The following CSMD3 variants were observed in gnomAD, a reference collection of about 807,000 sequenced individuals.
CSMD3 encodes the protein CUB and Sushi multiple domains 3, also known as CUB and sushi domain-containing protein 3.
Under a neutral mutation model 435.2 loss-of-function variants are expected in CSMD3, and 177 were observed. The observed-to-expected ratio is 0.41, with a 90% confidence interval of 0.36 to 0.46. The LOEUF (loss-of-function observed/expected upper bound fraction) is 0.46. Among genes scored for constraint, CSMD3 ranks in the 20% least tolerant of loss-of-function variants. CSMD3 has a pLI of 0.34. For missense variants in CSMD3, 4,265 were observed against 4,504.6 expected, an observed-to-expected ratio of 0.95 and a Z score of 1.52; for synonymous variants, 1,656 against 1,520.5, an observed-to-expected ratio of 1.09 and a Z score of -2.07.
At chr8:113,150,384 C>T (rs962669576) in intron 4 of CSMD3, among the ~76,000 whole-genome samples, 4 of 151,904 alleles carry the variant, frequency 2.6e-5, no homozygotes, top group African/African-American at 9.7e-5. Context: ...CTTAAAAAAG[C>T]AAACTGCCTT....
At chr8:112,548,739 CAT>C (rs1424428420) in intron 27 of CSMD3, among the ~76,000 whole-genome samples, 2 of 152,014 alleles carry the variant, frequency 1.3e-5, no homozygotes, top group Non-Finnish European at 2.9e-5. Context: ...TGTGTAAGCA[CAT>C]GTTTTAGAAA....
At chr8:112,727,659 T>G (rs1029096189) in intron 13 of CSMD3, among the ~76,000 whole-genome samples, 27 of 152,010 alleles carry the variant, frequency 1.8e-4, no homozygotes, top group Middle Eastern at 3.4e-3. Context: ...TTTCCATTTT[T>G]ATATGAAAGT....
At chr8:113,253,561 G>T (rs1254446889) in intron 3 of CSMD3, among the ~76,000 whole-genome samples, 1 of 151,790 alleles carries the variant, frequency 6.6e-6, no homozygotes, top group Non-Finnish European at 1.5e-5. Context: ...CCAAAACTTG[G>T]CTGGGCGTGG....
intron 9 of CSMD3, among the ~76,000 whole-genome samples, chr8:112,942,052 C>A (rs552237710): frequency 6.6e-6 from 1 of 151,632 alleles, no homozygotes; most frequent in African/African-American, 2.4e-5. Flanking sequence ...CAATATCCGA[C>A]AGAATAGATT....
chr8:112,289,593 C>T (rs2130659098), intron 56 of CSMD3, 55 bp from the exon 57 acceptor site: 4 of 1,140,820 alleles, frequency 3.5e-6, no homozygotes, highest in Non-Finnish European at 3.8e-6. Flanking sequence ...ATCGAACAAC[C>T]TATACCAGCA....
chr8:112,963,785 G>A (rs369261790), intron 7 of CSMD3, among the ~76,000 whole-genome samples: 4 of 151,998 alleles, frequency 2.6e-5, no homozygotes, highest in African/African-American at 9.6e-5. Flanking sequence ...CTTTACTTTT[G>A]TATAACTTAT....
chr8:112,762,058 AG>A (rs1197994085), intron 13 of CSMD3, among the ~76,000 whole-genome samples: 1 of 152,026 alleles, frequency 6.6e-6, no homozygotes, highest in Admixed American at 6.6e-5. Context: ...CCAGCAGTAG[AG>A]GTCATTTAAT....
At chr8:112,780,796 C>T (rs984239983) in intron 13 of CSMD3, among the ~76,000 whole-genome samples, 1 of 151,520 alleles carries the variant, frequency 6.6e-6, no homozygotes, top group Non-Finnish European at 1.5e-5. Flanking sequence ...AGGGAATTGT[C>T]TATCACAGCA....
rs1232831530 is a variant in CSMD3 at position 112,297,105 on chromosome 8, C to G, written c.8441-1099G>C. Among the ~76,000 whole-genome samples, 2 of 148,560 alleles carry G rather than the reference C, an allele frequency of 1.3e-5. 1 individual carries two copies. The highest frequency in any genetic ancestry group is 3.0e-5 in the Non-Finnish European group (2 of 67,470). On this transcript the variant is annotated intron_variant, in intron 53 of 70. Transcript: ENST00000297405. ...TGTGAATTCTTAAACAAAAACCTTC[C>G]CACGGATTTTTTTTTTTGGCTGGGA...
intron 1 of CSMD3, among the ~76,000 whole-genome samples, chr8:113,368,583 A>C (rs1348322338): frequency 2.0e-5 from 3 of 152,034 alleles, no homozygotes; most frequent in Admixed American, 6.6e-5. Flanking sequence ...CTTCCTAAAA[A>C]CTCAAGTTCA....
intron 12 of CSMD3, among the ~76,000 whole-genome samples, chr8:112,819,340 G>A (rs947911123): frequency 6.6e-6 from 1 of 152,096 alleles, no homozygotes; most frequent in African/African-American, 2.4e-5. Flanking sequence ...GTGGCCAATT[G>A]GTCTCTGGGT....
intron 24 of CSMD3, among the ~76,000 whole-genome samples, chr8:112,569,024 T>C (rs994998649): frequency 6.6e-6 from 1 of 152,184 alleles, no homozygotes; most frequent in African/African-American, 2.4e-5. Context: ...ATACTGAATA[T>C]TCCAGGCTGC....
At chr8:112,337,785 G>C (rs2130968393) in intron 42 of CSMD3, 54 bp from the exon 43 acceptor site, 1 of 1,410,970 alleles carries the variant, frequency 7.1e-7, no homozygotes. Context: ...AGAGGCCACA[G>C]ATAGGGTACT....
chr8:113,330,385 T>C (rs2094018097), intron 1 of CSMD3, among the ~76,000 whole-genome samples: 1 of 151,768 alleles, frequency 6.6e-6, no homozygotes, highest in African/African-American at 2.4e-5. Flanking sequence ...AATGAGGCAG[T>C]AATGAAAGGA....
intron 2 of CSMD3, among the ~76,000 whole-genome samples, chr8:113,289,179 C>T (rs1257235285): frequency 6.6e-6 from 1 of 151,648 alleles, no homozygotes; most frequent in Middle Eastern, 3.2e-3. Flanking sequence ...AATACAAGCA[C>T]ATCACTTAGA....
At chr8:112,267,718 G>T (rs1473023360) in intron 59 of CSMD3, among the ~76,000 whole-genome samples, 2 of 152,100 alleles carry the variant, frequency 1.3e-5, no homozygotes, top group African/African-American at 4.8e-5. Context: ...AGGACAGAGC[G>T]TTTATTTTAC....
intron 5 of CSMD3, among the ~76,000 whole-genome samples, chr8:113,072,306 C>G (rs192634062): frequency 4.0e-5 from 6 of 151,554 alleles, no homozygotes; most frequent in Admixed American, 2.0e-4. Flanking sequence ...TCTAATTGCT[C>G]TGTCAAGGAC....
chr8:113,340,966 CTTT>C (rs1411021491), intron 1 of CSMD3, among the ~76,000 whole-genome samples: 1 of 151,940 alleles, frequency 6.6e-6, no homozygotes, highest in African/African-American at 2.4e-5. Flanking sequence ...ACTTATTCTT[CTTT>C]ATTCTTTGTC....
chr8:112,612,156 T>C (rs1833304855), intron 22 of CSMD3, among the ~76,000 whole-genome samples: 2 of 152,176 alleles, frequency 1.3e-5, no homozygotes, highest in South Asian at 2.1e-4. Flanking sequence ...GCTAAAACAA[T>C]TCTATAATGC....
Sources: gnomAD v4.1 joint callset for allele counts (sites outside exome capture counted in the v4.1 genomes callset) on GRCh38, gnomAD v4.1.1 for gene constraint, MANE v1.5 for transcripts, NCBI Gene and HGNC (gene_info 2026-07-23, HGNC 2026-07-21) for gene names.